Variants in WNT2B observed in about 807,000 individuals in gnomAD.
WNT2B encodes protein Wnt-2b.
WNT2B carries 19 observed loss-of-function variants against 40.5 expected under a neutral mutation model. The observed-to-expected ratio is 0.47, with a 90% CI of 0.33 to 0.69. WNT2B has a LOEUF of 0.69. WNT2B is among the 30% of genes least tolerant of loss of function. The probability of loss-of-function intolerance (pLI) is 0.02; values close to 1 mark genes in which losing one functional copy is unlikely to be tolerated. For missense variants in WNT2B, 467 were observed against 556.4 expected, an observed-to-expected ratio of 0.84 and a Z score of 1.62; for synonymous variants, 220 against 211.9, an observed-to-expected ratio of 1.04 and a Z score of -0.33.
intron 1 of WNT2B, among the ~76,000 whole-genome samples, chr1:112,477,438 C>T (rs1431612059): frequency 6.6e-6 from 1 of 151,344 alleles, no homozygotes; most frequent in Non-Finnish European, 1.5e-5. Flanking sequence ...GCTATTACTT[C>T]AAACATGCAG....
chr1:112,484,208 T>TATATATATACAC (rs1374189700), intron 1 of WNT2B, among the ~76,000 whole-genome samples: 7,214 of 136,302 alleles, frequency 0.053, 1,022 homozygotes, highest in African/African-American at 0.2. Flanking sequence ...AAAAATTTTA[T>TATATATATACAC]ATATATATAC....
chr1:112,520,244 T>G (rs764860088), intron 4 of WNT2B, 36 bp from the exon 5 acceptor site: 1 of 1,586,014 alleles, frequency 6.3e-7, no homozygotes, highest in Non-Finnish European at 8.6e-7. Flanking sequence ...GCTGAAGAGA[T>G]AACTTTGTTC....
At chr1:112,486,286 A>C (rs1253514541) in intron 1 of WNT2B, among the ~76,000 whole-genome samples, 2 of 152,154 alleles carry the variant, frequency 1.3e-5, no homozygotes, top group South Asian at 2.1e-4. Flanking sequence ...CTACAAAAAA[A>C]TTTTTAATTA....
chr1:112,517,511 T>G, intron 4 of WNT2B, 126 bp downstream of exon 4: 2 of 1,229,080 alleles, frequency 1.6e-6, no homozygotes, highest in Non-Finnish European at 1.1e-6. Context: ...CAGTTTCCTC[T>G]CCACATGAAC....
chr1:112,529,064 A>G lies in WNT2B; in HGVS notation c.*8555A>G, dbSNP rs748079447. ...TCCCTAACTTCTGAGGATAAAAACC[A>G]TAAGGGCAATCTTATTCTTCCAAAG... On this transcript the variant is annotated 3_prime_UTR_variant, in exon 5 of 5. Transcript: ENST00000369684. 9.2e-5 allele frequency: 14 copies of G among 152,222 alleles called. No homozygotes were observed. Among genetic ancestry groups the G allele is most frequent in the Non-Finnish European group, 2.1e-4 (14 of 68,046 alleles). The allele number at this position is 152,222 out of a possible 1,614,324, so 9.4% of individuals were successfully genotyped here.
chr1:112,471,759 G>A (rs1650887095), intron 1 of WNT2B, among the ~76,000 whole-genome samples: 1 of 152,166 alleles, frequency 6.6e-6, no homozygotes, highest in Admixed American at 6.5e-5. Context: ...GGGAAGCAAA[G>A]GAGAAACAAG....
At chr1:112,519,495 T>C (rs575752974) in intron 4 of WNT2B, among the ~76,000 whole-genome samples, 21 of 152,184 alleles carry the variant, frequency 1.4e-4, no homozygotes, top group Non-Finnish European at 2.4e-4. Context: ...AAAAGTCTAT[T>C]GATTTTATGA....
chr1:112,517,339 C>A lies in WNT2B; in HGVS notation c.900C>A (p.Val300=). The A allele has an allele frequency of 6.2e-7, 1 of 1,613,014 alleles. No individual in the cohort carries two copies. Among genetic ancestry groups the A allele is most frequent in the South Asian group, 1.1e-5 (1 of 91,020 alleles). The change falls in exon 4 of 5, where the codon GTC becomes GTA. Residue 300 remains valine (V), a synonymous_variant. Coordinates refer to ENST00000369684, the MANE Select transcript of WNT2B (RefSeq NM_024494.3). ...GYRRATRTDL[V]YFDNSPDYCV... Reference sequence around the variant, plus strand: ...GCCGTGCCACCCGGACTGATCTTGTCTACTTTGACAACTCTCCAGATTACT... The same window carrying A: ...GCCGTGCCACCCGGACTGATCTTGTATACTTTGACAACTCTCCAGATTACT...
chr1:112,484,956 T>C (rs988154712), intron 1 of WNT2B, among the ~76,000 whole-genome samples: 4 of 152,150 alleles, frequency 2.6e-5, no homozygotes, highest in African/African-American at 9.7e-5. Context: ...GAAGACAATA[T>C]GGCTATGAAT....
At position 112,509,142 on chromosome 1, in the gene WNT2B, C is replaced by A. The variant is rs1557918672; in HGVS notation, c.-121C>A. 7.3e-7 allele frequency: 1 copy of A among 1,377,604 alleles called. No individual in the cohort carries two copies. The allele number at this position is 1,377,604 out of a possible 1,614,324, so 85.3% of individuals were successfully genotyped here. Reference sequence around the variant, plus strand: ...CTCTGGACCCCAGGTGATCCTAGGTCCCCAGCCGCCGGCGAACACCATGGC... The same window carrying A: ...CTCTGGACCCCAGGTGATCCTAGGTACCCAGCCGCCGGCGAACACCATGGC... On this transcript the variant is annotated 5_prime_UTR_variant, in exon 1 of 5. Transcript: ENST00000369684. This position sits in a 1 kb window ranked among gnomAD's most constrained non-coding sequence, Gnocchi z 4.2.
In WNT2B at chr1:112,520,533, C is replaced by A; in HGVS notation, c.*24C>A. The A allele has an allele frequency of 6.2e-7, 1 of 1,608,764 alleles. No individual in the cohort carries two copies. The highest frequency in any genetic ancestry group is 2.2e-5 in the East Asian group (1 of 44,582). On this transcript the variant is annotated 3_prime_UTR_variant, in exon 5 of 5. Coordinates refer to ENST00000369684, the MANE Select transcript of WNT2B (RefSeq NM_024494.3). ...GAACACACAGATACCTCACTCATCC[C>A]TCCAATTCAAGCCTCTCAACTCAAA...
In WNT2B at chr1:112,526,694, T is replaced by G. The variant is rs1379551454; in HGVS notation, c.*6185T>G. On this transcript the variant is annotated 3_prime_UTR_variant, in exon 5 of 5. Transcript: ENST00000369684. ...AGGCAGAGCTTGCAGTGAGCCAAGA[T>G]GCACCACTGCACTCCAGCCTGGGAG... 1 of 148,726 alleles carries G rather than the reference T, an allele frequency of 6.7e-6. No homozygotes were observed. The highest frequency in any genetic ancestry group is 6.8e-5 in the Admixed American group (1 of 14,766). The allele number at this position is 148,726 out of a possible 1,614,324, so 9.2% of individuals were successfully genotyped here. A position where few individuals can be genotyped will look rare whatever the true frequency, so the allele number is the denominator to read the frequency against.
chr1:112,508,776 G>C, upstream of WNT2B: 1 of 987,174 alleles, frequency 1.0e-6, no homozygotes, highest in Non-Finnish European at 1.2e-6. This position sits in a 1 kb window ranked among gnomAD's most constrained non-coding sequence, Gnocchi z 4.2. Flanking sequence ...CGCAGCGTGC[G>C]GGAGCAGGTG....
chr1:112,517,041 C>T (rs1652584415), intron 3 of WNT2B, 80 bp from the exon 4 acceptor site: 1 of 1,541,576 alleles, frequency 6.5e-7, no homozygotes, highest in Non-Finnish European at 8.8e-7. Context: ...TCTCAGAGCA[C>T]TCATCCTTTT....
intron 1 of WNT2B, among the ~76,000 whole-genome samples, chr1:112,513,793 T>A (rs184917636): frequency 1.4e-4 from 22 of 152,238 alleles, no homozygotes; most frequent in Admixed American, 7.2e-4. Flanking sequence ...AATAAAAAGT[T>A]CCCAGCAAAT....
intron 1 of WNT2B, among the ~76,000 whole-genome samples, chr1:112,493,889 A>G (rs1204884287): frequency 6.6e-6 from 1 of 151,992 alleles, no homozygotes; most frequent in Non-Finnish European, 1.5e-5. Flanking sequence ...CAACAACGAC[A>G]AAAACACTAC....
intron 1 of WNT2B, chr1:112,514,666 C>T (rs1652463682): frequency 1.7e-6 from 1 of 600,132 alleles, no homozygotes; most frequent in Non-Finnish European, 3.0e-6. Flanking sequence ...TGGGAGGCCA[C>T]TCAATTACTC....
chr1:112,504,133 A>C (rs891193487), upstream of WNT2B, among the ~76,000 whole-genome samples: 1 of 152,120 alleles, frequency 6.6e-6, no homozygotes, highest in South Asian at 2.1e-4. Context: ...TCCCAGCAGC[A>C]CACCCACTGG....
Position 112,516,195 on chromosome 1 carries a change from T to C in WNT2B, c.459T>C (p.Ala153=), listed in dbSNP as rs202077038. The C allele has an allele frequency of 5.0e-6, 8 of 1,614,044 alleles. No homozygotes were observed. The highest frequency in any genetic ancestry group is 1.7e-5 in the Admixed American group (1 of 60,018). Reference sequence around the variant, plus strand: ...TCTCATCAGCAGGGGTAGTCCACGCTATTACTCGCGCCTGTAGCCAGGGTG... The same window carrying C: ...TCTCATCAGCAGGGGTAGTCCACGCCATTACTCGCGCCTGTAGCCAGGGTG... ...YAISSAGVVH[A]ITRACSQGEL... The change falls in exon 3 of 5, where the codon GCT becomes GCC. Residue 153 remains alanine (A), a synonymous_variant. Coordinates refer to ENST00000369684, the MANE Select transcript of WNT2B (RefSeq NM_024494.3).
Sources: gnomAD v4.1 joint callset for allele counts (sites outside exome capture counted in the v4.1 genomes callset) on GRCh38, gnomAD v4.1.1 for gene constraint, Gnocchi (gnomAD v3.1) non-coding constraint, MANE v1.5 for transcripts, NCBI Gene and HGNC (gene_info 2026-07-23, HGNC 2026-07-21) for gene names.